The following BTBD3 variants were observed in gnomAD, a reference collection of about 807,000 sequenced individuals.
BTBD3 encodes BTB domain containing 3.
BTBD3 carries 14 observed loss-of-function variants against 41.6 expected under a neutral mutation model. That is an observed-to-expected ratio of 0.34 (90% CI 0.22 to 0.53). BTBD3 has a LOEUF of 0.53. Among genes scored for constraint, BTBD3 ranks in the 20% least tolerant of loss-of-function variants. The pLI is 0.95. For missense variants in BTBD3, 426 were observed against 654.7 expected, an observed-to-expected ratio of 0.65 and a Z score of 3.81; for synonymous variants, 249 against 233.7, an observed-to-expected ratio of 1.07 and a Z score of -0.60.
rs1027792074 is a variant in BTBD3 at position 11,903,423 on chromosome 20, G to A, written c.-126+12469G>A. 5.9e-5 allele frequency among the ~76,000 whole-genome samples: 9 copies of A among 152,124 alleles called. No individual in the cohort carries two copies. In the East Asian group the frequency reaches 9.6e-4, roughly 16 times the overall value. Reference sequence around the variant, plus strand: ...GATGTTTGTTTTCTTGCTGGTTTATGTGAAGTTTGTAGGGATACTTGTCTA... The same window carrying A: ...GATGTTTGTTTTCTTGCTGGTTTATATGAAGTTTGTAGGGATACTTGTCTA... On this transcript the variant is annotated intron_variant, in intron 1 of 4. Transcript: ENST00000254977.
chr20:11,910,369 T>G (rs1350002706), intron 1 of BTBD3: 4 of 152,240 alleles, frequency 2.6e-5, no homozygotes, highest in Admixed American at 2.0e-4. Context: ...CAGCAATGGT[T>G]GGGTGAGGTT....
chr20:11,898,945 C>G (rs1218397291), intron 1 of BTBD3, among the ~76,000 whole-genome samples: 1 of 152,154 alleles, frequency 6.6e-6, no homozygotes, highest in Non-Finnish European at 1.5e-5. Context: ...AGAATCTTCT[C>G]TCTTTATATT....
chr20:11,902,156 T>G (rs1412939403), intron 1 of BTBD3, among the ~76,000 whole-genome samples: 1 of 151,998 alleles, frequency 6.6e-6, no homozygotes, highest in Non-Finnish European at 1.5e-5. Context: ...ACATAAACAG[T>G]CAGTAAACGC....
intron 1 of BTBD3, among the ~76,000 whole-genome samples, chr20:11,906,370 TCTC>T (rs1185477987): frequency 6.8e-6 from 1 of 147,032 alleles, no homozygotes; most frequent in Non-Finnish European, 1.5e-5. Flanking sequence ...GCTCAAGTAT[TCTC>T]CTGCCTCAGC....
chr20:11,914,316 A>C (rs1439453758), upstream of BTBD3, among the ~76,000 whole-genome samples: 1 of 152,224 alleles, frequency 6.6e-6, no homozygotes, highest in Non-Finnish European at 1.5e-5. Context: ...GAAATGAAAG[A>C]ATAAAGTGAT....
intron 3 of BTBD3, among the ~76,000 whole-genome samples, chr20:11,920,871 GTAGT>G (rs1568616220): frequency 6.6e-6 from 1 of 152,138 alleles, no homozygotes; most frequent in Non-Finnish European, 1.5e-5. Flanking sequence ...AATAAGTACT[GTAGT>G]TAGTTCTAGA....
intron 1 of BTBD3, among the ~76,000 whole-genome samples, chr20:11,895,423 A>T (rs1412210723): frequency 6.7e-6 from 1 of 149,336 alleles, no homozygotes; most frequent in Non-Finnish European, 1.5e-5. Flanking sequence ...CCCATCCCTT[A>T]CTCTCCCTCC....
chr20:11,902,052 A>G (rs940428579), intron 1 of BTBD3, among the ~76,000 whole-genome samples: 1 of 151,768 alleles, frequency 6.6e-6, no homozygotes, highest in African/African-American at 2.4e-5. Flanking sequence ...CACCCCACCA[A>G]CCTCCCACCC....
Position 11,924,966 on chromosome 20 carries a change from A to T in BTBD3, c.*1300A>T, listed in dbSNP as rs916110474. The T allele has an allele frequency of 2.6e-5, 4 of 152,680 alleles. No individual in the cohort carries two copies. The highest frequency in any genetic ancestry group is 5.9e-5 in the Non-Finnish European group (4 of 68,062). The allele number at this position is 152,680 out of a possible 1,614,324, so 9.5% of individuals were successfully genotyped here. A position where few individuals can be genotyped will look rare whatever the true frequency, so the allele number is the denominator to read the frequency against. ...ATGTAAACAAAGGAGGGAAAAACTT[A>T]TTAAATTCTCCTTCGCTGCTGGCTT... On this transcript the variant is annotated 3_prime_UTR_variant, in exon 4 of 4. Transcript: ENST00000378226.
Position 11,923,438 on chromosome 20 carries a change from C to A in BTBD3, c.1341C>A (p.Ser447=), listed in dbSNP as rs2122340102. 1 of 1,614,176 alleles carries A rather than the reference C, an allele frequency of 6.2e-7. No individual in the cohort carries two copies. Among genetic ancestry groups the A allele is most frequent in the East Asian group, 2.2e-5 (1 of 44,886 alleles). The change falls in exon 4 of 4, where the codon TCC becomes TCA. Residue 447 remains serine (S), a synonymous_variant. Coordinates refer to ENST00000378226, the MANE Select transcript of BTBD3 (RefSeq NM_014962.4). This position sits in a 1 kb window ranked among gnomAD's most constrained non-coding sequence, Gnocchi z 5.3. ...QNLSKYFSDG[S]SNTFPVWFEY... Reference sequence around the variant, plus strand: ...TGAGCAAGTACTTCTCAGATGGGTCCAGCAATACCTTTCCCGTATGGTTTG... The same window carrying A: ...TGAGCAAGTACTTCTCAGATGGGTCAAGCAATACCTTTCCCGTATGGTTTG...
At chr20:11,891,177 A>AGGGG (rs748239370) in intron 1 of BTBD3, 1 of 143,732 alleles carries the variant, frequency 7.0e-6, no homozygotes, top group East Asian at 2.4e-4. Context: ...TGGCTTTCCG[A>AGGGG]GGGGGGGGGG....
At chr20:11,905,394 CT>C (rs1328888179) in intron 1 of BTBD3, among the ~76,000 whole-genome samples, 2 of 152,136 alleles carry the variant, frequency 1.3e-5, no homozygotes, top group Admixed American at 1.3e-4. Flanking sequence ...TTTGTGCATA[CT>C]TCCCAATTTC....
intron 1 of BTBD3, among the ~76,000 whole-genome samples, chr20:11,903,716 T>A (rs1317826829): frequency 1.3e-5 from 2 of 152,070 alleles, no homozygotes; most frequent in Non-Finnish European, 2.9e-5. Flanking sequence ...AAGTGATTCT[T>A]CTGCTTCAGC....
intron 1 of BTBD3, chr20:11,910,333 G>A (rs1205730999): frequency 6.6e-6 from 1 of 152,100 alleles, no homozygotes; most frequent in East Asian, 1.9e-4. Flanking sequence ...GTTATTTAAA[G>A]CCAACAAATG....
At chr20:11,890,882 C>T (rs1338842794) in exon 1 of BTBD3, 26 of 985,006 alleles carry the variant, frequency 2.6e-5, no homozygotes, top group Non-Finnish European at 3.0e-5. Flanking sequence ...GTGCCCCGGC[C>T]GGGGCCTGAG....
intron 1 of BTBD3, among the ~76,000 whole-genome samples, chr20:11,904,748 A>C (rs748868654): frequency 6.6e-6 from 1 of 152,242 alleles, no homozygotes; most frequent in Non-Finnish European, 1.5e-5. Flanking sequence ...CTGGAAAAGA[A>C]TATTTTAATA....
intron 3 of BTBD3, among the ~76,000 whole-genome samples, chr20:11,920,752 G>A (rs1218067050): frequency 6.6e-6 from 1 of 152,170 alleles, no homozygotes; most frequent in East Asian, 1.9e-4. Context: ...TCAGTTCATT[G>A]GAATAAGTAA....
At chr20:11,899,820 G>C (rs1418937005) in intron 1 of BTBD3, among the ~76,000 whole-genome samples, 4 of 152,134 alleles carry the variant, frequency 2.6e-5, no homozygotes, top group African/African-American at 9.7e-5. Context: ...GTGCAAGCAA[G>C]TGCTGTGATT....
chr20:11,903,210 C>G (rs2056833981), intron 1 of BTBD3, among the ~76,000 whole-genome samples: 1 of 152,026 alleles, frequency 6.6e-6, no homozygotes, highest in South Asian at 2.1e-4. Flanking sequence ...TCTGTAGATA[C>G]AATATTAAAA....
Sources: gnomAD v4.1 joint callset for allele counts (sites outside exome capture counted in the v4.1 genomes callset) on GRCh38, gnomAD v4.1.1 for gene constraint, Gnocchi (gnomAD v3.1) non-coding constraint, MANE v1.5 for transcripts, NCBI Gene and HGNC (gene_info 2026-07-23, HGNC 2026-07-21) for gene names.